CALN1: variants seen among roughly 807,000 people sequenced by gnomAD.
CALN1 encodes the protein calcium-binding protein 8.
Under a neutral mutation model 30.6 loss-of-function variants are expected in CALN1, and 17 were observed. That is an observed-to-expected ratio of 0.56 (90% CI 0.38 to 0.83). CALN1 has a LOEUF of 0.83. Among genes scored for constraint, CALN1 ranks in the 40% least tolerant of loss-of-function variants. CALN1 has a pLI of 0.00. For synonymous variants in CALN1, 156 were observed against 131.4 expected, an observed-to-expected ratio of 1.19 and a Z score of -1.28; for missense variants, 291 against 354.9, an observed-to-expected ratio of 0.82 and a Z score of 1.45.
intron 5 of CALN1, among the ~76,000 whole-genome samples, chr7:71,958,590 C>T (rs1797086645): frequency 6.6e-6 from 1 of 152,154 alleles, no homozygotes; most frequent in Non-Finnish European, 1.5e-5. Flanking sequence ...CTTGCCTCTC[C>T]ACCCATCTTA....
intron 3 of CALN1, among the ~76,000 whole-genome samples, chr7:72,271,423 T>C (rs1370048577): frequency 6.6e-6 from 1 of 151,484 alleles, no homozygotes; most frequent in Non-Finnish European, 1.5e-5. Context: ...ATAATATTTC[T>C]TTTTGTTTTC....
intron 2 of CALN1, among the ~76,000 whole-genome samples, chr7:72,355,186 G>A (rs980165189): frequency 6.6e-6 from 1 of 152,208 alleles, no homozygotes; most frequent in Non-Finnish European, 1.5e-5. Context: ...GCGATTACAG[G>A]CGTGAGCCAA....
intron 3 of CALN1, among the ~76,000 whole-genome samples, chr7:72,167,680 G>A (rs1230584390): frequency 6.6e-6 from 1 of 152,208 alleles, no homozygotes; most frequent in Non-Finnish European, 1.5e-5. Flanking sequence ...CACATGCTCT[G>A]TGAATTTGAA....
intron 4 of CALN1, among the ~76,000 whole-genome samples, chr7:72,080,223 A>G (rs1357387688): frequency 6.6e-6 from 1 of 152,242 alleles, no homozygotes; most frequent in South Asian, 2.1e-4. Context: ...CCCCACCACT[A>G]ATCACTTTTC....
chr7:72,048,034 TC>T, intron 4 of CALN1, among the ~76,000 whole-genome samples: 1 of 135,276 alleles, frequency 7.4e-6, no homozygotes, highest in South Asian at 2.3e-4. Context: ...TGCTTCTTCT[TC>T]TTCTTCTTTT....
intron 2 of CALN1, chr7:72,337,039 G>A: frequency 6.1e-6 from 6 of 985,688 alleles, no homozygotes; most frequent in Non-Finnish European, 7.2e-6. Flanking sequence ...CCCCTGCACC[G>A]CGCGCTCCTC....
At chr7:72,291,456 C>A (rs1798472740) in intron 2 of CALN1, among the ~76,000 whole-genome samples, 1 of 152,198 alleles carries the variant, frequency 6.6e-6, no homozygotes, top group African/African-American at 2.4e-5. Context: ...TCACACAGGG[C>A]ATCTCACCAG....
intron 5 of CALN1, among the ~76,000 whole-genome samples, chr7:71,870,072 T>C (rs560756777): frequency 1.4e-4 from 21 of 152,268 alleles, no homozygotes; most frequent in African/African-American, 4.8e-4. Context: ...CCTGCACCTA[T>C]AATATTTTAT....
chr7:72,229,372 C>T (rs1793921705), intron 3 of CALN1, among the ~76,000 whole-genome samples: 1 of 152,038 alleles, frequency 6.6e-6, no homozygotes, highest in African/African-American at 2.4e-5. Context: ...GTAATCCCAG[C>T]ACTTGGGAGG....
rs187249314 is a variant in CALN1, at chr7:72,381,467, A to C, written c.119+21784T>G. Among the ~76,000 whole-genome samples the C allele has an allele frequency of 3.1e-3, 471 of 152,350 alleles. 1 individual carries two copies. The highest frequency in any genetic ancestry group is 0.011 in the African/African-American group (454 of 41,582). ...CCCATGAATGGTAGACTGGATAAAGAAAATGTGGCACATATATACCACGAA... is the reference window on the plus strand; with the variant it reads ...CCCATGAATGGTAGACTGGATAAAGCAAATGTGGCACATATATACCACGAA... On this transcript the variant is annotated intron_variant, in intron 2 of 6. Transcript: ENST00000395275.
chr7:72,075,489 T>C (rs1804667860), intron 4 of CALN1, among the ~76,000 whole-genome samples: 1 of 152,220 alleles, frequency 6.6e-6, no homozygotes, highest in Non-Finnish European at 1.5e-5. Context: ...TAGTTTACTG[T>C]AGTTTTCTGT....
At chr7:72,420,786 A>AT (rs1807582413) in intron 1 of CALN1, among the ~76,000 whole-genome samples, 1 of 151,572 alleles carries the variant, frequency 6.6e-6, no homozygotes. Flanking sequence ...CGCCCGGCTA[A>AT]TTTTTTGTAT....
intron 3 of CALN1, among the ~76,000 whole-genome samples, chr7:72,175,142 C>A (rs1426490916): frequency 6.6e-6 from 1 of 151,692 alleles, no homozygotes; most frequent in Non-Finnish European, 1.5e-5. Context: ...GGCGCAATCT[C>A]GGCTCACTGC....
chr7:72,036,939 T>G (rs946909425), intron 4 of CALN1, among the ~76,000 whole-genome samples: 13 of 151,986 alleles, frequency 8.6e-5, no homozygotes, highest in Non-Finnish European at 1.8e-4. Context: ...AGGATTTATT[T>G]TTTGTTATTA....
chr7:72,105,769 AAGGAGG>A (rs1313259645), intron 4 of CALN1, among the ~76,000 whole-genome samples: 1 of 115,338 alleles, frequency 8.7e-6, no homozygotes, highest in East Asian at 3.8e-4. Context: ...GAGGAAGAAG[AAGGAGG>A]AGGAGGAGGA....
chr7:72,206,335 A>G (rs1791882213), intron 3 of CALN1, among the ~76,000 whole-genome samples: 1 of 152,190 alleles, frequency 6.6e-6, no homozygotes. Context: ...ATGACGTCTC[A>G]AATAACTTTT....
At chr7:72,242,062 C>A (rs548191704) in intron 3 of CALN1, among the ~76,000 whole-genome samples, 3 of 152,326 alleles carry the variant, frequency 2.0e-5, no homozygotes, top group South Asian at 4.1e-4. Context: ...GAGCCCCTGG[C>A]AACCACCCTT....
chr7:71,964,788 T>G (rs1041990330), intron 5 of CALN1, among the ~76,000 whole-genome samples: 3 of 152,220 alleles, frequency 2.0e-5, no homozygotes, highest in African/African-American at 7.2e-5. Context: ...GTATAAATGA[T>G]AAGTCTGGGC....
chr7:71,887,355 G>A (rs571335721), intron 5 of CALN1, among the ~76,000 whole-genome samples: 4 of 152,252 alleles, frequency 2.6e-5, no homozygotes, highest in South Asian at 2.1e-4. Flanking sequence ...GCATGCAATG[G>A]TACAATCTCG....
Sources: allele counts gnomAD v4.1 joint callset (sites outside exome capture counted in the v4.1 genomes callset), GRCh38; gene constraint gnomAD v4.1.1; transcripts MANE v1.5; gene names NCBI Gene and HGNC (gene_info 2026-07-23, HGNC 2026-07-21).